MYO18B: variants seen among roughly 807,000 people sequenced by gnomAD.
MYO18B encodes the protein unconventional myosin-XVIIIb.
MYO18B carries 204 observed loss-of-function variants against 273.0 expected under a neutral mutation model. That is an observed-to-expected ratio of 0.75 (90% CI 0.67 to 0.84). MYO18B has a LOEUF of 0.84. MYO18B is among the 40% of genes least tolerant of loss of function. The pLI is 0.00. For synonymous variants in MYO18B, 1,330 were observed against 1,305.7 expected (o/e 1.02, Z -0.40); for missense variants, 3,212 against 3,287.6 (o/e 0.98, Z 0.56).
In MYO18B at chr22:25,767,992, C is replaced by T. The variant is rs5752202; in HGVS notation, c.199-123C>T. On this transcript the variant is annotated intron_variant, in intron 3 of 43. Transcript: ENST00000335473. ...CATGCCTGTTGGATTTGGAGGTGCT[C>T]GAGCATCTGTGGAAGGATGAATGGA... 2.0e-5 allele frequency: 19 copies of T among 964,108 alleles called. No individual in the cohort carries two copies. In the East Asian group the frequency reaches 3.2e-4, roughly 16 times the overall value. The allele number at this position is 964,108 out of a possible 1,614,324, so 59.7% of individuals were successfully genotyped here. A position where few individuals can be genotyped will look rare whatever the true frequency, so the allele number is the denominator to read the frequency against.
chr22:25,847,601 G>T lies in MYO18B; in HGVS notation c.3724G>T (p.Val1242Phe). 1.3e-6 allele frequency: 2 copies of T among 1,565,590 alleles called. No individual in the cohort carries two copies. The highest frequency in any genetic ancestry group is 1.7e-6 in the Non-Finnish European group (2 of 1,155,218). ...PLALDIPALR[V>F]QLAGFHILEA... is the part of the protein sequence containing the mutation. Reference sequence around the variant, plus strand: ...GGCCCTGGATATCCCAGCACTGAGGGTCCAGCTTGCTGGGTTCCACATCCT... The same window carrying T: ...GGCCCTGGATATCCCAGCACTGAGGTTCCAGCTTGCTGGGTTCCACATCCT... Residue 1242 changes from valine (V) to phenylalanine (F), a missense_variant, in exon 20 of 44, where the codon GTC becomes TTC. Physicochemically the swap from Val to Phe is conservative, Grantham distance 50 (BLOSUM62 -1). Transcript: ENST00000335473.
At chr22:25,837,491 G>C (rs1295258077) in intron 17 of MYO18B, among the ~76,000 whole-genome samples, 1 of 152,236 alleles carries the variant, frequency 6.6e-6, no homozygotes, top group Non-Finnish European at 1.5e-5. Context: ...AGTCATTGGA[G>C]ACATAGACAG....
In MYO18B at chr22:25,919,678, ATGTGTGTG is replaced by A. The variant is rs35856330; in HGVS notation, c.5365-1555_5365-1548del. On this transcript the variant is annotated intron_variant, in intron 33 of 43. Transcript: ENST00000335473. ...TCAGCAGGTGAGATTGTGTGTGTGT[ATGTGTGTG>A]TGTGTGTGTGTGTGTGTGTGTGTAT... 1.2e-4 allele frequency among the ~76,000 whole-genome samples: 18 copies of A among 147,982 alleles called. No homozygotes were observed. In the South Asian group the frequency reaches 1.3e-3, roughly 11 times the overall value.
At chr22:26,029,304 C>G (rs536807693) in intron 43 of MYO18B, among the ~76,000 whole-genome samples, 22 of 152,296 alleles carry the variant, frequency 1.4e-4, no homozygotes, top group African/African-American at 5.1e-4. Flanking sequence ...CCTCCTTGAC[C>G]CAAATGAGGC....
chr22:25,938,453 G>T (rs144297070), intron 34 of MYO18B, among the ~76,000 whole-genome samples: 310 of 152,330 alleles, frequency 2.0e-3, no homozygotes, highest in South Asian at 4.4e-3. Flanking sequence ...CCCAGGAAGG[G>T]CATGGGTTTG....
At chr22:25,941,246 C>T (rs2092640551) in intron 34 of MYO18B, among the ~76,000 whole-genome samples, 2 of 152,162 alleles carry the variant, frequency 1.3e-5, no homozygotes, top group African/African-American at 4.8e-5. Flanking sequence ...TCATCTCACC[C>T]TAAACCTCTC....
intron 33 of MYO18B, among the ~76,000 whole-genome samples, chr22:25,912,025 C>A (rs2146392759): frequency 6.6e-6 from 1 of 152,288 alleles, no homozygotes; most frequent in South Asian, 2.1e-4. Flanking sequence ...TAGTAATGGT[C>A]TTGTTATCAA....
At chr22:25,872,365 A>G (rs989103470) in intron 22 of MYO18B, among the ~76,000 whole-genome samples, 3 of 152,218 alleles carry the variant, frequency 2.0e-5, no homozygotes, top group South Asian at 4.1e-4. Flanking sequence ...AGGCAGCTTC[A>G]TGTTGACGGA....
intron 40 of MYO18B, among the ~76,000 whole-genome samples, chr22:25,997,958 A>AC (rs1569278959): frequency 9.5e-6 from 1 of 105,704 alleles, no homozygotes; most frequent in African/African-American, 4.1e-5. Flanking sequence ...CACACACACA[A>AC]ACACACACAC....
chr22:25,973,080 A>G (rs2146745861), intron 39 of MYO18B, among the ~76,000 whole-genome samples: 1 of 151,830 alleles, frequency 6.6e-6, no homozygotes, highest in South Asian at 2.1e-4. Context: ...TTGCTTCTAG[A>G]TCTTGTTTCT....
At chr22:26,017,350 T>TCCTTCCTTCCTC (rs906413628) in intron 42 of MYO18B, among the ~76,000 whole-genome samples, 4 of 151,538 alleles carry the variant, frequency 2.6e-5, no homozygotes, top group South Asian at 2.1e-4. Context: ...CTTCCTTCCT[T>TCCTTCCTTCCTC]CCTTCCTTCC....
intron 39 of MYO18B, among the ~76,000 whole-genome samples, chr22:25,970,701 A>G (rs1324178920): frequency 1.3e-5 from 2 of 152,160 alleles, no homozygotes; most frequent in African/African-American, 2.4e-5. Flanking sequence ...GCTGACATCC[A>G]CCCAGCTGGG....
At chr22:25,833,627 A>C (rs1190554822) in intron 16 of MYO18B, among the ~76,000 whole-genome samples, 3 of 152,160 alleles carry the variant, frequency 2.0e-5, no homozygotes, top group Non-Finnish European at 4.4e-5. Flanking sequence ...TTGGGCCATG[A>C]AACCTGCCAT....
intron 27 of MYO18B, 22 bp downstream of exon 27, chr22:25,891,434 G>A (rs1241538674): frequency 8.9e-6 from 13 of 1,459,702 alleles, no homozygotes; most frequent in Non-Finnish European, 1.1e-5. Flanking sequence ...GGGACCCTTG[G>A]GGCTGGAAGG....
At chr22:25,994,816 G>A (rs1453400402) in intron 40 of MYO18B, among the ~76,000 whole-genome samples, 1 of 152,200 alleles carries the variant, frequency 6.6e-6, no homozygotes, top group East Asian at 1.9e-4. Flanking sequence ...AGAAACAATA[G>A]AGCTTTTGCA....
chr22:25,819,856 G>A (rs2089198168), intron 12 of MYO18B, among the ~76,000 whole-genome samples: 1 of 151,404 alleles, frequency 6.6e-6, no homozygotes, highest in Non-Finnish European at 1.5e-5. Flanking sequence ...TATAAAATGG[G>A]ATTAATAATA....
chr22:25,877,260 C>T (rs964411700), intron 24 of MYO18B: 3 of 152,092 alleles, frequency 2.0e-5, no homozygotes, highest in African/African-American at 7.2e-5. Context: ...TGGGTATCTT[C>T]ATGGATGCTG....
At chr22:26,052,965 G>C in the MYO18B span, among the ~76,000 whole-genome samples, 1 of 151,792 alleles carries the variant, frequency 6.6e-6, no homozygotes, top group Admixed American at 6.6e-5. Context: ...ACCACGCCCA[G>C]CTAATTTTTT....
intron 40 of MYO18B, among the ~76,000 whole-genome samples, chr22:25,993,848 A>G (rs970715032): frequency 6.6e-6 from 1 of 152,150 alleles, no homozygotes; most frequent in African/African-American, 2.4e-5. Flanking sequence ...TCAAGGAAAA[A>G]AACTGGAAGA....
Sources: gnomAD v4.1 joint callset for allele counts (sites outside exome capture counted in the v4.1 genomes callset) on GRCh38, gnomAD v4.1.1 for gene constraint, MANE v1.5 for transcripts, NCBI Gene and HGNC (gene_info 2026-07-23, HGNC 2026-07-21) for gene names.